The following SVOPL variants were observed in gnomAD, a reference collection of about 807,000 sequenced individuals.
SVOPL encodes the protein putative transporter SVOPL.
Under a neutral mutation model 61.0 loss-of-function variants are expected in SVOPL, and 60 were observed. The ratio of observed to expected loss-of-function variants is 0.98; its 90% CI spans 0.80 to 1.22. The LOEUF is 1.22. SVOPL is among the 50% of genes most tolerant of loss of function. The pLI is 0.00. For missense variants in SVOPL, 662 were observed against 643.9 expected (o/e 1.03, Z -0.30); for synonymous variants, 279 against 250.0 (o/e 1.12, Z -1.09).
intron 3 of SVOPL, among the ~76,000 whole-genome samples, chr7:138,676,381 T>A (rs982908687): frequency 1.3e-5 from 2 of 152,162 alleles, no homozygotes; most frequent in African/African-American, 4.8e-5. Context: ...AGGCCCAAGA[T>A]CAAAGTGCCA....
At chr7:138,686,907 AC>A (rs2065766121) in intron 1 of SVOPL, among the ~76,000 whole-genome samples, 2 of 152,090 alleles carry the variant, frequency 1.3e-5, no homozygotes, top group South Asian at 4.1e-4. Flanking sequence ...AACATAACAA[AC>A]AATTATACTG....
chr7:138,598,780 C>A (rs1584763023), intron 14 of SVOPL, among the ~76,000 whole-genome samples: 1 of 151,768 alleles, frequency 6.6e-6, no homozygotes, highest in Non-Finnish European at 1.5e-5. Context: ...CTAATAGGAA[C>A]AAAAATAGAA....
At chr7:138,637,463 TATATAGATATAGATATAGATATAG>T (rs1554463005) in intron 9 of SVOPL, among the ~76,000 whole-genome samples, 1 of 19,094 alleles carries the variant, frequency 5.2e-5, no homozygotes, top group Admixed American at 6.5e-4. Flanking sequence ...TAGATATATA[TATATAGATATAGATATAGATATAG>T]ATAGATATAT....
At chr7:138,626,128 T>G in intron 12 of SVOPL, 78 bp from the exon 13 acceptor site, 2 of 1,338,096 alleles carry the variant, frequency 1.5e-6, no homozygotes, top group Non-Finnish European at 2.1e-6. Flanking sequence ...TCGAGTGCAC[T>G]GTGGATGCTG....
At chr7:138,672,656 T>TTTA in intron 3 of SVOPL, among the ~76,000 whole-genome samples, 1 of 118,830 alleles carries the variant, frequency 8.4e-6, no homozygotes, top group African/African-American at 3.3e-5. Context: ...TTTTTGTGTT[T>TTTA]AAAAAAAAAA....
chr7:138,637,378 A>G (rs957139905), intron 9 of SVOPL, among the ~76,000 whole-genome samples: 4 of 151,308 alleles, frequency 2.6e-5, no homozygotes, highest in Middle Eastern at 3.2e-3. Context: ...CAGTGAGCCA[A>G]GATCACTCCA....
At chr7:138,645,072 G>A (rs927653447) in intron 8 of SVOPL, among the ~76,000 whole-genome samples, 1 of 152,164 alleles carries the variant, frequency 6.6e-6, no homozygotes, top group African/African-American at 2.4e-5. Flanking sequence ...ACGGCAGGCT[G>A]ATACTCAGTT....
rs529987229 is a variant in SVOPL, at chr7:138,657,134, G to GTTTGTTTA, written c.471-624_471-623insTAAACAAA. Among the ~76,000 whole-genome samples the GTTTGTTTA allele has an allele frequency of 6.8e-3, 1,002 of 147,138 alleles. 14 individuals carry two copies. Among genetic ancestry groups the GTTTGTTTA allele is most frequent in the East Asian group, 0.058 (291 of 5,048 alleles). ...CAAGCCTGATTCCCTTTTCTTATTT[G>GTTTGTTTA]TTTATTTATTTATTTATTTATTTAT... On this transcript the variant is annotated intron_variant, in intron 6 of 15. Coordinates refer to ENST00000674285, the MANE Select transcript of SVOPL (RefSeq NM_001139456.2).
At position 138,663,112 on chromosome 7, in the gene SVOPL, G is replaced by C; in HGVS notation, c.307C>G (p.Leu103Val). The stretch of plus-strand genomic sequence containing the variant: ...TATCTGTCAGCCAGGAGGCCAAAGA[G>C]GATACTGAAAACCATGTAGCCAAAA... ...VFFGYMVFSI[L>V]FGLLADRYGR... Residue 103 changes from leucine (L) to valine (V), a missense_variant, in exon 5 of 16, where the codon CTC (leucine) becomes GTC (valine). Leu to Val is a conservative substitution (Grantham distance 32). Coordinates refer to ENST00000674285, the MANE Select transcript of SVOPL (RefSeq NM_001139456.2). 1 of 1,614,112 alleles carries C rather than the reference G, an allele frequency of 6.2e-7. No homozygotes were observed. The highest frequency in any genetic ancestry group is 8.5e-7 in the Non-Finnish European group (1 of 1,180,026).
intron 9 of SVOPL, among the ~76,000 whole-genome samples, chr7:138,641,814 T>TTATATATATATATATATATATATATA (rs10666134): frequency 2.5e-5 from 3 of 120,976 alleles, no homozygotes; most frequent in East Asian, 2.7e-4. Context: ...TATATATATG[T>TTATATATATATATATATATATATATA]TATATATATA....
chr7:138,643,192 CGAG>C (rs1024475773), intron 9 of SVOPL, among the ~76,000 whole-genome samples: 1 of 151,532 alleles, frequency 6.6e-6, no homozygotes, highest in African/African-American at 2.4e-5. Flanking sequence ...TTTGGGAGGC[CGAG>C]GAGGGCGGAT....
intron 8 of SVOPL, chr7:138,646,584 T>C (rs1351522190): frequency 6.6e-6 from 1 of 152,570 alleles, no homozygotes; most frequent in Admixed American, 6.5e-5. Flanking sequence ...AGTGGCGCAA[T>C]CATAGCTGAC....
At chr7:138,658,210 C>T (rs2117065760) in intron 6 of SVOPL, among the ~76,000 whole-genome samples, 1 of 152,232 alleles carries the variant, frequency 6.6e-6, no homozygotes, top group African/African-American at 2.4e-5. Context: ...GAATGCAGCC[C>T]AGCAAGTCTC....
intron 1 of SVOPL, among the ~76,000 whole-genome samples, chr7:138,696,035 G>A (rs541332561): frequency 9.2e-4 from 140 of 152,226 alleles, no homozygotes; most frequent in Non-Finnish European, 1.8e-3. Flanking sequence ...GCCCACCTTG[G>A]CCTCCCAAAG....
chr7:138,661,391 T>G (rs1206079710), intron 5 of SVOPL: 1 of 985,230 alleles, frequency 1.0e-6, no homozygotes, highest in East Asian at 1.1e-4. Context: ...ATCCATCAAC[T>G]TGAGAGAGAA....
intron 1 of SVOPL, among the ~76,000 whole-genome samples, chr7:138,686,552 T>G (rs1451133936): frequency 7.0e-6 from 1 of 143,118 alleles, no homozygotes; most frequent in Non-Finnish European, 1.5e-5. Flanking sequence ...AGGAGTTTTT[T>G]GTTTTTTGGG....
chr7:138,643,892 G>C (rs1300464677), intron 9 of SVOPL, among the ~76,000 whole-genome samples: 1 of 151,954 alleles, frequency 6.6e-6, no homozygotes, highest in Non-Finnish European at 1.5e-5. Flanking sequence ...TTTAAAAACT[G>C]TTAAGATAAT....
At chr7:138,656,754 T>G (rs191302688) in intron 6 of SVOPL, among the ~76,000 whole-genome samples, 29 of 152,260 alleles carry the variant, frequency 1.9e-4, no homozygotes, top group African/African-American at 6.7e-4. Flanking sequence ...TTAAGAAATA[T>G]AAGCCTGGCC....
intron 9 of SVOPL, among the ~76,000 whole-genome samples, chr7:138,633,313 G>A (rs181211587): frequency 3.6e-4 from 55 of 152,302 alleles, no homozygotes; most frequent in African/African-American, 1.3e-3. Flanking sequence ...GGGGGTGGAG[G>A]CTTATGGGAG....
Sources: gnomAD v4.1 joint callset for allele counts (sites outside exome capture counted in the v4.1 genomes callset) on GRCh38, gnomAD v4.1.1 for gene constraint, MANE v1.5 for transcripts, NCBI Gene and HGNC (gene_info 2026-07-23, HGNC 2026-07-21) for gene names.